VTI1A: variants seen among roughly 807,000 people sequenced by gnomAD.
VTI1A encodes vesicle transport through interaction with t-SNAREs 1A.
A neutral mutation model predicts 34.9 loss-of-function variants in VTI1A; 22 were observed. The observed-to-expected ratio is 0.63, with a 90% CI of 0.45 to 0.90. The LOEUF (loss-of-function observed/expected upper bound fraction) is 0.90. VTI1A is among the 40% of genes least tolerant of loss of function. VTI1A has a pLI of 0.00. For missense variants in VTI1A, 268 were observed against 275.6 expected, an observed-to-expected ratio of 0.97 and a Z score of 0.20; for synonymous variants, 87 against 97.3, an observed-to-expected ratio of 0.89 and a Z score of 0.62.
chr10:112,532,804 A>T (rs989684537), intron 4 of VTI1A, among the ~76,000 whole-genome samples: 3 of 152,156 alleles, frequency 2.0e-5, no homozygotes, highest in Non-Finnish European at 4.4e-5. Flanking sequence ...AAATCATTCA[A>T]AAATTAAAAT....
intron 5 of VTI1A, among the ~76,000 whole-genome samples, chr10:112,543,006 C>G: frequency 6.6e-6 from 1 of 152,164 alleles, no homozygotes; most frequent in South Asian, 2.1e-4. Flanking sequence ...AGGACATGAA[C>G]TCCTCCTTTT....
At chr10:112,806,584 C>A (rs1029503053) in intron 7 of VTI1A, among the ~76,000 whole-genome samples, 4 of 148,924 alleles carry the variant, frequency 2.7e-5, no homozygotes, top group Admixed American at 2.0e-4. Context: ...CCGTGCCCAG[C>A]CTTATTTTTT....
the VTI1A span, among the ~76,000 whole-genome samples, chr10:112,848,441 A>C: frequency 1.3e-5 from 2 of 152,204 alleles, no homozygotes; most frequent in Non-Finnish European, 2.9e-5. Context: ...CTGATGACAC[A>C]GTCCCTGGCA....
chr10:112,599,573 G>C (rs1844805573), intron 5 of VTI1A, among the ~76,000 whole-genome samples: 1 of 152,040 alleles, frequency 6.6e-6, no homozygotes, highest in African/African-American at 2.4e-5. Flanking sequence ...TGCTTGATTT[G>C]CTTTGCTTTT....
At chr10:112,477,661 C>T (rs1305308990) in intron 3 of VTI1A, among the ~76,000 whole-genome samples, 1 of 152,072 alleles carries the variant, frequency 6.6e-6, no homozygotes, top group Non-Finnish European at 1.5e-5. Flanking sequence ...CATTGCATGG[C>T]ATTGGCCTTG....
intron 3 of VTI1A, among the ~76,000 whole-genome samples, chr10:112,510,607 G>A (rs758245875): frequency 1.3e-5 from 2 of 152,028 alleles, no homozygotes; most frequent in Non-Finnish European, 2.9e-5. Context: ...CTGGTCTCCA[G>A]CATGGACGAC....
chr10:112,532,442 A>G (rs533772663), intron 4 of VTI1A, among the ~76,000 whole-genome samples: 1 of 152,334 alleles, frequency 6.6e-6, no homozygotes, highest in African/African-American at 2.4e-5. Context: ...CTGTTACAAC[A>G]TAGGTTTCAG....
chr10:112,493,862 A>G (rs892082620), intron 3 of VTI1A, among the ~76,000 whole-genome samples: 1 of 152,106 alleles, frequency 6.6e-6, no homozygotes, highest in Non-Finnish European at 1.5e-5. Context: ...TGTTTGGTTT[A>G]CTTATATTGT....
intron 7 of VTI1A, among the ~76,000 whole-genome samples, chr10:112,740,151 T>C (rs1850642048): frequency 6.6e-6 from 1 of 152,224 alleles, no homozygotes; most frequent in African/African-American, 2.4e-5. Flanking sequence ...AGCCATCATC[T>C]TGTAGACTTG....
intron 2 of VTI1A, among the ~76,000 whole-genome samples, chr10:112,462,923 T>TATTC (rs1376376995): frequency 6.6e-6 from 1 of 151,426 alleles, no homozygotes; most frequent in African/African-American, 2.4e-5. Flanking sequence ...TTTATTTATT[T>TATTC]ATTTATTTAT....
chr10:112,632,722 G>A (rs1423568856), intron 5 of VTI1A, among the ~76,000 whole-genome samples: 1 of 152,202 alleles, frequency 6.6e-6, no homozygotes, highest in Non-Finnish European at 1.5e-5. Context: ...AGAGGAACAG[G>A]TGGAAAGTTG....
intron 3 of VTI1A, among the ~76,000 whole-genome samples, chr10:112,511,864 C>T (rs2134181528): frequency 6.6e-6 from 1 of 152,306 alleles, no homozygotes; most frequent in African/African-American, 2.4e-5. Context: ...GAACCACCTC[C>T]AGTTCCATCC....
intron 5 of VTI1A, among the ~76,000 whole-genome samples, chr10:112,642,629 A>T (rs966527688): frequency 6.9e-6 from 1 of 145,900 alleles, no homozygotes; most frequent in Non-Finnish European, 1.5e-5. Flanking sequence ...GTGTGTGTGT[A>T]TGTGCATGCT....
intron 5 of VTI1A, among the ~76,000 whole-genome samples, chr10:112,567,943 A>G (rs1225702011): frequency 6.6e-6 from 1 of 152,134 alleles, no homozygotes; most frequent in Non-Finnish European, 1.5e-5. Context: ...GCAAAACCAG[A>G]TTTCTCTTTA....
chr10:112,611,558 G>C (rs950852199), intron 5 of VTI1A, among the ~76,000 whole-genome samples: 5 of 152,072 alleles, frequency 3.3e-5, no homozygotes, highest in Non-Finnish European at 7.3e-5. Context: ...GAGTTCCTTA[G>C]AGGTCATCAA....
At chr10:112,516,287 A>G (rs1045399405) in intron 3 of VTI1A, among the ~76,000 whole-genome samples, 22 of 152,100 alleles carry the variant, frequency 1.4e-4, no homozygotes, top group African/African-American at 4.8e-4. Flanking sequence ...AACTCATGAG[A>G]ACAATAAAAC....
At chr10:112,605,509 G>A (rs550429235) in intron 5 of VTI1A, among the ~76,000 whole-genome samples, 24 of 152,164 alleles carry the variant, frequency 1.6e-4, no homozygotes, top group Admixed American at 6.5e-4. Flanking sequence ...CCATGGATTC[G>A]CCTAACTCCA....
chr10:112,781,719 TAGGTGCACACTC>T (rs989074191), intron 7 of VTI1A, among the ~76,000 whole-genome samples: 132 of 13,156 alleles, frequency 0.01, 2 homozygotes, highest in African/African-American at 0.031. Context: ...TGCACACTCA[TAGGTGCACACTC>T]ATAGTCCCAG....
intron 7 of VTI1A, among the ~76,000 whole-genome samples, chr10:112,747,583 ATTGTT>A (rs1850942536): frequency 6.6e-6 from 1 of 152,222 alleles, no homozygotes; most frequent in African/African-American, 2.4e-5. Context: ...GATGACCGTA[ATTGTT>A]TTGTTTTGTT....
Sources: allele counts gnomAD v4.1 joint callset (sites outside exome capture counted in the v4.1 genomes callset), GRCh38; gene constraint gnomAD v4.1.1; transcripts MANE v1.5; gene names NCBI Gene and HGNC (gene_info 2026-07-23, HGNC 2026-07-21).